Variants in ARHGEF15 observed in about 807,000 individuals in gnomAD.
The protein encoded by ARHGEF15 is Rho guanine nucleotide exchange factor (GEF) 15.
Under a neutral mutation model 79.7 loss-of-function variants are expected in ARHGEF15, and 58 were observed. That is an observed-to-expected ratio of 0.73 (90% CI 0.59 to 0.91). ARHGEF15 has a LOEUF of 0.91. ARHGEF15 is among the 40% of genes least tolerant of loss of function. The probability of loss-of-function intolerance (pLI) is 0.00; values close to 1 mark genes in which losing one functional copy is unlikely to be tolerated. For synonymous variants in ARHGEF15, 442 were observed against 456.0 expected (o/e 0.97, Z 0.39); for missense variants, 1,012 against 1,108.1 (o/e 0.91, Z 1.23).
intron 4 of ARHGEF15, among the ~76,000 whole-genome samples, chr17:8,314,194 A>T (rs529776183): frequency 6.6e-6 from 1 of 152,232 alleles, no homozygotes; most frequent in Admixed American, 6.5e-5. Context: ...CCTCACCTTG[A>T]GCTTCTATTG....
rs1597462025 is a variant in ARHGEF15, at chr17:8,313,609, C to T, written c.989+54C>T. The T allele has an allele frequency of 1.9e-6, 3 of 1,569,522 alleles. No homozygotes were observed. In the East Asian group the frequency reaches 6.7e-5, roughly 35 times the overall value. On this transcript the variant is annotated intron_variant, in intron 4 of 15. Transcript: ENST00000361926. ...GGTTCTCTCCCCACCATGCTTCTAC[C>T]TGAGGGCAGACTAACCTTCAGCTCC...
Position 8,320,869 on chromosome 17 carries a change from T to C in ARHGEF15, c.2402T>C (p.Phe801Ser). ...TGGCTGAAGGGGCTTCCTGGGGCCT[T>C]CCCTGCCCAGCTGGTGTGTGAAGTC... The part of the protein sequence containing the change: ...EGWLKGLPGA[F>S]PAQLVCEVTG... Residue 801 changes from phenylalanine to serine, a missense_variant, in exon 16 of 16, where the codon TTC becomes TCC. Transcript: ENST00000361926. 7 of 1,613,090 alleles carry C rather than the reference T, an allele frequency of 4.3e-6. No individual in the cohort carries two copies. The highest frequency in any genetic ancestry group is 5.1e-6 in the Non-Finnish European group (6 of 1,179,862).
rs769854480 is a variant in ARHGEF15, at chr17:8,315,745, A to G, written c.1422-10A>G. On this transcript the variant is annotated splice_polypyrimidine_tract_variant and intron_variant, in intron 7 of 15. Coordinates refer to ENST00000361926, the MANE Select transcript of ARHGEF15 (RefSeq NM_173728.4). The surrounding 1 kb of genome is among the most constrained non-coding windows in gnomAD (Gnocchi z 4.3). ...CCCCGCCCCATTGCTTGCTTCCCCA[A>G]TTCCTTCAGGTTTCTAGCAACGCTC... is the stretch of plus-strand genomic sequence containing the variant. 9.9e-6 allele frequency: 16 copies of G among 1,608,484 alleles called. No homozygotes were observed. Among genetic ancestry groups the G allele is most frequent in the East Asian group, 2.2e-5 (1 of 44,782 alleles).
chr17:8,317,195 G>C (rs1368419506), intron 9 of ARHGEF15, among the ~76,000 whole-genome samples: 1 of 151,908 alleles, frequency 6.6e-6, no homozygotes, highest in Non-Finnish European at 1.5e-5. Flanking sequence ...CAAATTCCTG[G>C]GCTCAAGGGA....
chr17:8,318,508 A>C lies in ARHGEF15; in HGVS notation c.1779+47A>C. ...GCAGGGGGAGGTGACAAGGTGGTAG[A>C]GAGAAATGGTAGGGAGCAGGGGGCT... On this transcript the variant is annotated intron_variant, in intron 10 of 15. Coordinates refer to ENST00000361926, the MANE Select transcript of ARHGEF15 (RefSeq NM_173728.4). This position sits in a 1 kb window ranked among gnomAD's most constrained non-coding sequence, Gnocchi z 5.0. 1 of 1,613,464 alleles carries C rather than the reference A, an allele frequency of 6.2e-7. No homozygotes were observed. Among genetic ancestry groups the C allele is most frequent in the Non-Finnish European group, 8.5e-7 (1 of 1,179,644 alleles).
chr17:8,313,599 A>G, intron 4 of ARHGEF15, 44 bp downstream of exon 4: 1 of 1,587,992 alleles, frequency 6.3e-7, no homozygotes, highest in Non-Finnish European at 8.6e-7. Flanking sequence ...TCTCCCCACC[A>G]TGCTTCTACC....
rs754752504 is a variant in ARHGEF15 at position 8,313,159 on chromosome 17, C to G, written c.839C>G (p.Pro280Arg). 6.2e-7 allele frequency: 1 copy of G among 1,612,454 alleles called. No individual in the cohort carries two copies. Among genetic ancestry groups the G allele is most frequent in the Admixed American group, 1.7e-5 (1 of 60,000 alleles). ...AERKLLPLLKPPKPTRVRQDA... is the reference protein window; with the variant it reads ...AERKLLPLLKRPKPTRVRQDA... ...CGCAAACTCCTGCCACTCCTCAAGC[C>G]TCCCAAACCAACTCGTGTCAGGCAG... The change falls in exon 3 of 16, where the codon CCT (proline) becomes CGT (arginine). Residue 280 changes from proline (P) to arginine (R), a missense_variant. Physicochemically the swap from Pro to Arg is moderately radical, Grantham distance 103. Around this residue, in one of 3 missense-constraint regions of ARHGEF15, gnomAD observed 818 missense variants for 882.5 expected, o/e 0.93. Transcript: ENST00000361926.
chr17:8,310,633 T>C (rs1377621175), intron 1 of ARHGEF15, among the ~76,000 whole-genome samples: 2 of 152,040 alleles, frequency 1.3e-5, no homozygotes, highest in Middle Eastern at 3.2e-3. Flanking sequence ...GCTGTGCAGG[T>C]AGAACCTGCG....
chr17:8,316,056 C>A lies in ARHGEF15; in HGVS notation c.1612C>A (p.Leu538Met), dbSNP rs1419311683. ...NVRFSAELRR[L>M]QSLPKCERLP... Reference sequence around the variant, plus strand: ...GCGCTTCTCCGCCGAGCTGCGCCGGCTGCAGAGCCTCCCTAAGTGTGAGCG... The same window carrying A: ...GCGCTTCTCCGCCGAGCTGCGCCGGATGCAGAGCCTCCCTAAGTGTGAGCG... The change falls in exon 9 of 16, where the codon CTG becomes ATG. Residue 538 changes from leucine (L) to methionine (M), a missense_variant. Physicochemically the swap from Leu to Met is conservative, Grantham distance 15. Coordinates refer to ENST00000361926, the MANE Select transcript of ARHGEF15 (RefSeq NM_173728.4). The A allele has an allele frequency of 6.2e-7, 1 of 1,603,756 alleles. No individual in the cohort carries two copies. Among genetic ancestry groups the A allele is most frequent in the Admixed American group, 1.7e-5 (1 of 59,892 alleles).
Position 8,318,695 on chromosome 17 carries a change from T to G in ARHGEF15, c.1872+33T>G. 1 of 1,609,790 alleles carries G rather than the reference T, an allele frequency of 6.2e-7. No individual in the cohort carries two copies. On this transcript the variant is annotated intron_variant, in intron 11 of 15. Coordinates refer to ENST00000361926, the MANE Select transcript of ARHGEF15 (RefSeq NM_173728.4). This position sits in a 1 kb window ranked among gnomAD's most constrained non-coding sequence, Gnocchi z 5.0. ...GCTGCCCAGGCTCCCCATCTTGCCCTGCCCCATGTTGCTGCTGCCACGCTA... is the reference window on the plus strand; with the variant it reads ...GCTGCCCAGGCTCCCCATCTTGCCCGGCCCCATGTTGCTGCTGCCACGCTA...
At chr17:8,320,765 A>G in intron 15 of ARHGEF15, 77 bp from the exon 16 acceptor site, 2 of 1,355,018 alleles carry the variant, frequency 1.5e-6, no homozygotes, top group South Asian at 1.3e-5. Flanking sequence ...AAGGCCTGAG[A>G]CCCCACGAGG....
rs755563536 is a variant in ARHGEF15 at position 8,316,130 on chromosome 17, G to A, written c.1686G>A (p.Arg562=). 4.4e-6 allele frequency: 7 copies of A among 1,602,414 alleles called. No individual in the cohort carries two copies. Among genetic ancestry groups the A allele is most frequent in the Non-Finnish European group, 5.1e-6 (6 of 1,179,186 alleles). Residue 562 remains arginine (R), a synonymous_variant, in exon 9 of 16, where the codon CGG becomes CGA. Coordinates refer to ENST00000361926, the MANE Select transcript of ARHGEF15 (RefSeq NM_173728.4). The part of the protein sequence containing the change: ...FLLLPFQRIT[R]LRMLLQNILR... Reference sequence around the variant, plus strand: ...TACTGCCCTTCCAGCGCATCACCCGGCTGCGCATGCTGCTGCAGGTACCTG... The same window carrying A: ...TACTGCCCTTCCAGCGCATCACCCGACTGCGCATGCTGCTGCAGGTACCTG...
At chr17:8,317,018 TGTA>T (rs761736834) in intron 9 of ARHGEF15, among the ~76,000 whole-genome samples, 12 of 151,954 alleles carry the variant, frequency 7.9e-5, no homozygotes, top group Non-Finnish European at 1.8e-4. Context: ...CCTGACCTCA[TGTA>T]GTCCACCTGC....
Position 8,312,012 on chromosome 17 carries a change from C to T in ARHGEF15, c.-28C>T. 1 of 1,547,490 alleles carries T rather than the reference C, an allele frequency of 6.5e-7. No homozygotes were observed. The highest frequency in any genetic ancestry group is 8.7e-7 in the Non-Finnish European group (1 of 1,149,754). Reference sequence around the variant, plus strand: ...TCAGGGGATGACTCCAGCAGAGCACCTCACTCCTTTGAAGAGCACAGAGGA... The same window carrying T: ...TCAGGGGATGACTCCAGCAGAGCACTTCACTCCTTTGAAGAGCACAGAGGA... On this transcript the variant is annotated 5_prime_UTR_variant, in exon 2 of 16. Coordinates refer to ENST00000361926, the MANE Select transcript of ARHGEF15 (RefSeq NM_173728.4).
Position 8,312,069 on chromosome 17 carries a change from A to AACC in ARHGEF15, c.30_31insACC (p.Thr10dup). ...CAGCCCAGTCCCTTCCTGCAGCAAC[A>AACC]CCCCCCACGCAGAAGCCCCCTCGGA... On this transcript the variant is annotated inframe_insertion, in exon 2 of 16. Coordinates refer to ENST00000361926, the MANE Select transcript of ARHGEF15 (RefSeq NM_173728.4). 1 of 1,348,748 alleles carries AACC rather than the reference A, an allele frequency of 7.4e-7. No individual in the cohort carries two copies. The highest frequency in any genetic ancestry group is 2.1e-5 in the Admixed American group (1 of 47,966). 83.5% of individuals were successfully genotyped at this position (1,348,748 alleles called of 1,614,324 possible).
chr17:8,319,545 T>C lies in ARHGEF15; in HGVS notation c.2316T>C (p.Thr772=). 1 of 1,611,744 alleles carries C rather than the reference T, an allele frequency of 6.2e-7. No homozygotes were observed. The highest frequency in any genetic ancestry group is 1.3e-5 in the African/African-American group (1 of 74,876). The change falls in exon 15 of 16, where the codon ACT becomes ACC. Residue 772 remains threonine, a synonymous_variant. Transcript: ENST00000361926. Reference sequence around the variant, plus strand: ...CAGAGTCGTCTGCACCTGCCAAGACTGAAGGACGGAGTCTGGAGTCCAGGG... The same window carrying C: ...CAGAGTCGTCTGCACCTGCCAAGACCGAAGGACGGAGTCTGGAGTCCAGGG... ...LCSESSAPAK[T]EGRSLESRAA... is the part of the protein sequence containing the mutation.
Position 8,315,789 on chromosome 17 carries a change from TC to T in ARHGEF15, c.1462del (p.His488ThrfsTer118). On this transcript the variant is annotated frameshift_variant, in exon 8 of 16. Coordinates refer to ENST00000361926, the MANE Select transcript of ARHGEF15 (RefSeq NM_173728.4). LOFTEE classifies it high-confidence loss of function. This position sits in a 1 kb window ranked among gnomAD's most constrained non-coding sequence, Gnocchi z 4.3. Reference protein sequence around the residue: ...LATLLSRVRSSPHISDLCDVV... With the variant: ...LATLLSRVRSXPHISDLCDVV... ...AACGCTCCTGTCCCGTGTGCGCTCTTCCCCCCACATCAGCGACTTGTGTGAT... is the reference window on the plus strand; with the variant it reads ...AACGCTCCTGTCCCGTGTGCGCTCTTCCCCCACATCAGCGACTTGTGTGAT... The T allele has an allele frequency of 1.2e-6, 2 of 1,612,634 alleles. No homozygotes were observed. The highest frequency in any genetic ancestry group is 8.5e-7 in the Non-Finnish European group (1 of 1,179,902).
rs751205107 is a variant in ARHGEF15 at position 8,318,628 on chromosome 17, G to A, written c.1838G>A (p.Arg613Gln). The change falls in exon 11 of 16, where the codon CGG (arginine) becomes CAG (glutamine). Residue 613 changes from arginine to glutamine, a missense_variant. By Grantham distance (43) the Arg-to-Gln change is conservative. Transcript: ENST00000361926. The surrounding 1 kb of genome is among the most constrained non-coding windows in gnomAD (Gnocchi z 5.0). ...ATGAAGCAGACTGAAGAGCTGATCC[G>A]GCTCACCCAAAGGCTGCGCTTCCAC... Reference protein sequence around the residue: ...GRMKQTEELIRLTQRLRFHKV... With the variant: ...GRMKQTEELIQLTQRLRFHKV... 8.1e-6 allele frequency: 13 copies of A among 1,613,676 alleles called. No individual in the cohort carries two copies. Among genetic ancestry groups the A allele is most frequent in the South Asian group, 4.4e-5 (4 of 91,064 alleles).
intron 4 of ARHGEF15, 140 bp downstream of exon 4, chr17:8,313,695 C>A: frequency 3.6e-6 from 3 of 829,936 alleles, no homozygotes; most frequent in South Asian, 2.1e-5. Context: ...AGATAAGCAG[C>A]CCTTGTTTCG....
Sources: gnomAD v4.1 joint callset for allele counts (sites outside exome capture counted in the v4.1 genomes callset) on GRCh38, gnomAD v4.1.1 for gene constraint, gnomAD v4.1.1 regional missense constraint, Gnocchi (gnomAD v3.1) non-coding constraint, MANE v1.5 for transcripts, NCBI Gene and HGNC (gene_info 2026-07-23, HGNC 2026-07-21) for gene names.